The following DOK7 variants were observed in gnomAD, a reference collection of about 807,000 sequenced individuals.
The protein encoded by DOK7 is protein Dok-7.
Under a neutral mutation model 30.7 loss-of-function variants are expected in DOK7, and 32 were observed. The observed-to-expected ratio is 1.04, with a 90% CI of 0.79 to 1.40. The LOEUF is 1.40. Among genes scored for constraint, DOK7 ranks in the 40% most tolerant of loss-of-function variants. The pLI is 0.00. For missense variants in DOK7, 1,007 were observed against 699.2 expected, an observed-to-expected ratio of 1.44 and a Z score of -4.97; for synonymous variants, 447 against 324.1, an observed-to-expected ratio of 1.38 and a Z score of -4.07.
At chr4:3,492,213 G>T (rs573454603) in intron 6 of DOK7, among the ~76,000 whole-genome samples, 1 of 152,322 alleles carries the variant, frequency 6.6e-6, no homozygotes, top group Non-Finnish European at 1.5e-5. Flanking sequence ...TCCCCCGCAG[G>T]GAGGGAGACT....
rs1350076940 is a variant in DOK7, at chr4:3,489,668, C to G, written c.653-9C>G. The G allele has an allele frequency of 7.7e-6, 12 of 1,564,896 alleles. No individual in the cohort carries two copies. In the African/African-American group the frequency reaches 1.4e-4, roughly 18 times the overall value. On this transcript the variant is annotated splice_polypyrimidine_tract_variant and intron_variant, in intron 5 of 6. Coordinates refer to ENST00000340083, the MANE Select transcript of DOK7 (RefSeq NM_173660.5). The stretch of plus-strand genomic sequence containing the variant: ...CCACCTCCTCCACCGAGTCTTCTCT[C>G]TGCCACAGACCCAAGTCCCCCGGGA...
chr4:3,493,304 G>A lies in DOK7; in HGVS notation c.1318G>A (p.Ala440Thr), dbSNP rs753026831. The A allele has an allele frequency of 5.7e-5, 91 of 1,606,156 alleles. No homozygotes were observed. Among genetic ancestry groups the A allele is most frequent in the South Asian group, 2.7e-4 (24 of 90,298 alleles). Reference sequence around the variant, plus strand: ...CAGGGACTCAGGCGGCCAGACGTCCGCCGGGTGTCCCTCTGGCTGGCTGGG... The same window carrying A: ...CAGGGACTCAGGCGGCCAGACGTCCACCGGGTGTCCCTCTGGCTGGCTGGG... The part of the protein sequence containing the change: ...AARDSGGQTS[A>T]GCPSGWLGTR... The change falls in exon 7 of 7, where the codon GCC (alanine) becomes ACC (threonine). Residue 440 changes from alanine (A) to threonine (T), a missense_variant. By Grantham distance (58) the Ala-to-Thr change is moderately conservative. Transcript: ENST00000340083.
At chr4:3,491,419 CTTCTTCCCCTGCTCATTCATTTCT>C (rs1161853532) in intron 6 of DOK7, among the ~76,000 whole-genome samples, 2 of 68,110 alleles carry the variant, frequency 2.9e-5, no homozygotes, top group Non-Finnish European at 6.4e-5. Context: ...TCCTTCTTTC[CTTCTTCCCCTGCTCATTCATTTCT>C]TTCTTCTCTC....
At chr4:3,494,906 T>G (rs1360491329), downstream of DOK7, among the ~76,000 whole-genome samples, 1 of 152,120 alleles carries the variant, frequency 6.6e-6, no homozygotes, top group Non-Finnish European at 1.5e-5. Context: ...CACATCTGTG[T>G]GGGTGCCTGC....
intron 2 of DOK7, among the ~76,000 whole-genome samples, chr4:3,469,162 CAT>C (rs1491521642): frequency 2.3e-4 from 34 of 147,344 alleles, no homozygotes; most frequent in South Asian, 4.4e-4. Flanking sequence ...TATGAGTGTG[CAT>C]GTGTGTGTGT....
chr4:3,493,382 C>T lies in DOK7; in HGVS notation c.1396C>T (p.Leu466=). The stretch of plus-strand genomic sequence containing the variant: ...GGCCCCCCAGGGCAGCGAGGCCACA[C>T]TGCCTGGCCCTGCCCCTGGCGAGCC... ...MEAPQGSEAT[L]PGPAPGEPWE... The change falls in exon 7 of 7, where the codon CTG becomes TTG. Residue 466 remains leucine (L), a synonymous_variant. Coordinates refer to ENST00000340083, the MANE Select transcript of DOK7 (RefSeq NM_173660.5). 2 of 1,593,316 alleles carry T rather than the reference C, an allele frequency of 1.3e-6. No individual in the cohort carries two copies. The highest frequency in any genetic ancestry group is 1.8e-5 in the Admixed American group (1 of 56,982).
At chr4:3,490,125 C>CACCCCCTCATTCATTCCTTTCT (rs1728142892) in intron 6 of DOK7, among the ~76,000 whole-genome samples, 3 of 43,092 alleles carry the variant, frequency 7.0e-5, no homozygotes, top group African/African-American at 3.2e-4. Flanking sequence ...CATTCCTTTT[C>CACCCCCTCATTCATTCCTTTCT]TCCCTGCTCA....
At chr4:3,487,138 T>C (rs1365591493) in intron 5 of DOK7, among the ~76,000 whole-genome samples, 1 of 152,140 alleles carries the variant, frequency 6.6e-6, no homozygotes, top group Admixed American at 6.5e-5. Flanking sequence ...CTGGGAGCTC[T>C]CAGAAAGCTC....
intron 2 of DOK7, among the ~76,000 whole-genome samples, chr4:3,470,571 G>A (rs1431071215): frequency 6.6e-6 from 1 of 152,216 alleles, no homozygotes; most frequent in Non-Finnish European, 1.5e-5. Flanking sequence ...GAGGTCTAGG[G>A]TGGGGCCGGC....
rs1274067697 is a variant in DOK7, at chr4:3,500,909, G to A, written c.*84G>A. On this transcript the variant is annotated 3_prime_UTR_variant, in exon 8 of 8. Coordinates refer to the DOK7 transcript ENST00000643608. ...GGCAGGCCAGCCCCTTCTGTTGGGC[G>A]TGGTCTGGTCCCCAGGGAGCTCCCA... 20 of 1,448,796 alleles carry A rather than the reference G, an allele frequency of 1.4e-5. No homozygotes were observed. In the Admixed American group the frequency reaches 1.5e-4, roughly 11 times the overall value. 89.7% of individuals were successfully genotyped at this position (1,448,796 alleles called of 1,614,324 possible).
chr4:3,468,036 C>T (rs1359167186), intron 2 of DOK7, among the ~76,000 whole-genome samples: 1 of 152,226 alleles, frequency 6.6e-6, no homozygotes, highest in East Asian at 1.9e-4. Flanking sequence ...CAGATTCAGA[C>T]CCCAGCACTG....
chr4:3,494,052 C>T lies in DOK7; in HGVS notation c.*551C>T. On this transcript the variant is annotated 3_prime_UTR_variant, in exon 7 of 7. Transcript: ENST00000340083. Reference sequence around the variant, plus strand: ...CCATCTATGGGAGGAAACTGAAGCTCAGGAGGCTGTGTGGCTTGCGGGGTC... The same window carrying T: ...CCATCTATGGGAGGAAACTGAAGCTTAGGAGGCTGTGTGGCTTGCGGGGTC... 1 of 987,630 alleles carries T rather than the reference C, an allele frequency of 1.0e-6. No individual in the cohort carries two copies. The highest frequency in any genetic ancestry group is 1.2e-6 in the Non-Finnish European group (1 of 831,564). 61.2% of individuals were successfully genotyped at this position (987,630 alleles called of 1,614,324 possible). A position where few individuals can be genotyped will look rare whatever the true frequency, so the allele number is the denominator to read the frequency against.
downstream of DOK7, chr4:3,496,673 T>C (rs1033379020): frequency 2.6e-5 from 20 of 773,374 alleles, 1 homozygote; most frequent in African/African-American, 2.5e-4. Context: ...AGGCATCAGG[T>C]ATGGCGGGCT....
At chr4:3,488,764 G>A (rs1338404352) in intron 5 of DOK7, among the ~76,000 whole-genome samples, 2 of 151,814 alleles carry the variant, frequency 1.3e-5, no homozygotes, top group African/African-American at 2.4e-5. Context: ...GCAGGACGGG[G>A]TCGGTTTGCT....
rs746147643 is a variant in DOK7, at chr4:3,493,180, C to T, written c.1194C>T (p.Pro398=). The change falls in exon 7 of 7, where the codon CCC becomes CCT. Residue 398 remains proline (P), a synonymous_variant. Coordinates refer to ENST00000340083, the MANE Select transcript of DOK7 (RefSeq NM_173660.5). ...CCGGGACAGTCGAGTACCAGGTGCC[C>T]ACCTCCCTGCGGGCCCACTATGACA... ...CLPGTVEYQV[P]TSLRAHYDTP... is the part of the protein sequence containing the mutation. The T allele has an allele frequency of 5.0e-6, 8 of 1,609,546 alleles. No homozygotes were observed. Among genetic ancestry groups the T allele is most frequent in the African/African-American group, 1.3e-5 (1 of 74,844 alleles).
intron 4 of DOK7, among the ~76,000 whole-genome samples, chr4:3,481,415 C>G (rs926695377): frequency 1.3e-5 from 2 of 150,704 alleles, no homozygotes; most frequent in African/African-American, 4.9e-5. Context: ...TGGTGATGGA[C>G]AAGGGGAGGA....
Position 3,492,915 on chromosome 4 carries a change from CCATG to C in DOK7, c.930_933del (p.Met311TrpfsTer144), listed in dbSNP as rs2109417343. On this transcript the variant is annotated frameshift_variant, in exon 7 of 7. Transcript: ENST00000340083. LOFTEE classifies it low-confidence loss of function (END_TRUNC). ...GCAGCTGCCCAGGCCGCCGGGGAAG[CCATG>C]GTGGGTGCCTCAAGGCCACCCCCCA... is the stretch of plus-strand genomic sequence containing the variant. 6.4e-7 allele frequency: 1 copy of C among 1,569,696 alleles called. No homozygotes were observed. Among genetic ancestry groups the C allele is most frequent in the South Asian group, 1.2e-5 (1 of 86,640 alleles).
chr4:3,485,805 A>C (rs1727743462), intron 5 of DOK7, 147 bp downstream of exon 5: 5 of 1,271,350 alleles, frequency 3.9e-6, no homozygotes, highest in Non-Finnish European at 4.0e-6. Context: ...TTTCCAGGCC[A>C]GGATTGCAGC....
At chr4:3,500,204 T>C in intron 6 of DOK7, 3 of 1,528,058 alleles carry the variant, frequency 2.0e-6, no homozygotes, top group Non-Finnish European at 2.6e-6. Context: ...TTGAGATCTG[T>C]GCCCCTCTCG....
Sources: gnomAD v4.1 joint callset for allele counts (sites outside exome capture counted in the v4.1 genomes callset) on GRCh38, gnomAD v4.1.1 for gene constraint, MANE v1.5 for transcripts, NCBI Gene and HGNC (gene_info 2026-07-23, HGNC 2026-07-21) for gene names.